COL19A1: variants seen among roughly 807,000 people sequenced by gnomAD.
COL19A1 encodes collagen type XIX alpha 1 chain.
In COL19A1, 159 loss-of-function variants were observed where a neutral mutation model predicts 190.2. The ratio of observed to expected loss-of-function variants is 0.84; its 90% CI spans 0.73 to 0.95. The LOEUF (loss-of-function observed/expected upper bound fraction) is 0.95. COL19A1 is among the 40% of genes least tolerant of loss of function. The pLI is 0.00. For missense variants in COL19A1, 1,418 were observed against 1,431.9 expected (o/e 0.99, Z 0.16); for synonymous variants, 509 against 458.9 (o/e 1.11, Z -1.39).
At chr6:69,996,975 A>G (rs1489629900) in intron 11 of COL19A1, among the ~76,000 whole-genome samples, 1 of 150,080 alleles carries the variant, frequency 6.7e-6, no homozygotes, top group Non-Finnish European at 1.5e-5. Context: ...ATGTGTACAT[A>G]TATGTATGTG....
chr6:70,066,084 C>T (rs577273986), intron 14 of COL19A1, among the ~76,000 whole-genome samples: 1 of 152,254 alleles, frequency 6.6e-6, no homozygotes, highest in Non-Finnish European at 1.5e-5. Context: ...TTTGACCCAG[C>T]CATACCATTA....
intron 14 of COL19A1, among the ~76,000 whole-genome samples, chr6:70,066,020 C>T (rs960363190): frequency 6.6e-6 from 1 of 152,194 alleles, no homozygotes; most frequent in Non-Finnish European, 1.5e-5. Flanking sequence ...ACTAGTTCAA[C>T]CATTGTGGAA....
At chr6:69,892,247 G>T (rs1769403474) in intron 2 of COL19A1, among the ~76,000 whole-genome samples, 1 of 152,210 alleles carries the variant, frequency 6.6e-6, no homozygotes, top group Admixed American at 6.5e-5. Context: ...TATTGATCCA[G>T]ATTTCTACAT....
At chr6:70,058,033 T>C (rs1780606349) in intron 14 of COL19A1, among the ~76,000 whole-genome samples, 1 of 152,058 alleles carries the variant, frequency 6.6e-6, no homozygotes. Context: ...TTATGAGAAG[T>C]ACAGATATCA....
intron 12 of COL19A1, among the ~76,000 whole-genome samples, chr6:70,026,532 A>G (rs1443804609): frequency 1.3e-5 from 2 of 152,244 alleles, no homozygotes; most frequent in Admixed American, 6.5e-5. Context: ...TTAGTTAATA[A>G]GTAGATGATG....
intron 14 of COL19A1, among the ~76,000 whole-genome samples, chr6:70,040,179 A>T (rs1179502380): frequency 6.6e-6 from 1 of 152,144 alleles, no homozygotes; most frequent in Non-Finnish European, 1.5e-5. Flanking sequence ...TGATATGTAA[A>T]ACCATCTATT....
chr6:70,109,478 G>T (rs947351869), intron 16 of COL19A1, among the ~76,000 whole-genome samples: 42 of 151,912 alleles, frequency 2.8e-4, no homozygotes, highest in African/African-American at 9.9e-4. Flanking sequence ...GAAAAGAAGG[G>T]TTGGGGGGCA....
chr6:70,067,927 A>C (rs1462559412), intron 14 of COL19A1, among the ~76,000 whole-genome samples: 1 of 152,110 alleles, frequency 6.6e-6, no homozygotes, highest in Non-Finnish European at 1.5e-5. Flanking sequence ...TATTATTACA[A>C]GAAAGCAGTA....
chr6:69,969,251 C>T (rs1247590327), intron 11 of COL19A1, among the ~76,000 whole-genome samples: 2 of 152,000 alleles, frequency 1.3e-5, no homozygotes, highest in Non-Finnish European at 2.9e-5. Flanking sequence ...ATATTAATTC[C>T]TAATTTTTCT....
At chr6:70,053,031 T>G (rs539901758) in intron 14 of COL19A1, among the ~76,000 whole-genome samples, 53 of 152,324 alleles carry the variant, frequency 3.5e-4, no homozygotes, top group South Asian at 6.2e-4. Flanking sequence ...TATCCCCTTC[T>G]TAATTTACTA....
chr6:70,181,314 G>A (rs928626310), intron 44 of COL19A1, among the ~76,000 whole-genome samples: 14 of 151,984 alleles, frequency 9.2e-5, no homozygotes, highest in Non-Finnish European at 5.9e-5. Context: ...GAGAAGACAT[G>A]AAAAAAATGT....
At chr6:70,179,189 G>T (rs892141328) in intron 42 of COL19A1, among the ~76,000 whole-genome samples, 1 of 152,130 alleles carries the variant, frequency 6.6e-6, no homozygotes, top group Non-Finnish European at 1.5e-5. Flanking sequence ...ATTCAGCACC[G>T]TATCTCTACC....
intron 42 of COL19A1, among the ~76,000 whole-genome samples, chr6:70,178,673 ATTGT>A (rs1765968862): frequency 6.6e-6 from 1 of 152,096 alleles, no homozygotes; most frequent in South Asian, 2.1e-4. Context: ...AAAAATGGTG[ATTGT>A]TCTAGTTGAA....
intron 9 of COL19A1, among the ~76,000 whole-genome samples, chr6:69,950,713 CACAT>C (rs1313210290): frequency 1.1e-4 from 17 of 148,510 alleles, no homozygotes; most frequent in African/African-American, 1.5e-4. Flanking sequence ...CACACACACA[CACAT>C]GTTCACACCT....
intron 15 of COL19A1, among the ~76,000 whole-genome samples, chr6:70,077,852 C>A (rs532852095): frequency 6.6e-6 from 1 of 152,012 alleles, no homozygotes; most frequent in Non-Finnish European, 1.5e-5. Flanking sequence ...ATTAATAATG[C>A]CACTTTAAGA....
chr6:70,172,065 T>C (rs531070724), intron 41 of COL19A1, 48 bp downstream of exon 41: 1 of 1,573,592 alleles, frequency 6.4e-7, no homozygotes, highest in African/African-American at 1.4e-5. Flanking sequence ...CATTCAAAAT[T>C]GTTTACTGAG....
chr6:69,935,741 T>A (rs1773060686), intron 7 of COL19A1, among the ~76,000 whole-genome samples: 1 of 152,000 alleles, frequency 6.6e-6, no homozygotes, highest in African/African-American at 2.4e-5. Context: ...ACTTTTATTT[T>A]AAGTTCAGGG....
At chr6:69,959,827 T>C (rs1774659985) in intron 9 of COL19A1, among the ~76,000 whole-genome samples, 169 bp from the exon 10 acceptor site, 1 of 152,170 alleles carries the variant, frequency 6.6e-6, no homozygotes, top group South Asian at 2.1e-4. Context: ...GAGGTGACAG[T>C]CCTGGATTTG....
In COL19A1 at chr6:70,207,593, A is replaced by G. The variant is rs75910524; in HGVS notation, c.*319A>G. The G allele has an allele frequency of 4.2e-3, 714 of 168,478 alleles. 11 individuals are homozygous for G. The highest frequency in any genetic ancestry group is 0.016 in the African/African-American group (680 of 42,100). The allele number at this position is 168,478 out of a possible 1,614,324, so 10.4% of individuals were successfully genotyped here. A position where few individuals can be genotyped will look rare whatever the true frequency, so the allele number is the denominator to read the frequency against. ...AGGAAATTGCATCTTGTGACTTAGT[A>G]GACTGATGATGATATCCATTTTGTA... On this transcript the variant is annotated 3_prime_UTR_variant, in exon 51 of 51. Coordinates refer to ENST00000620364, the MANE Select transcript of COL19A1 (RefSeq NM_001858.6).
Sources: gnomAD v4.1 joint callset for allele counts (sites outside exome capture counted in the v4.1 genomes callset) on GRCh38, gnomAD v4.1.1 for gene constraint, MANE v1.5 for transcripts, NCBI Gene and HGNC (gene_info 2026-07-23, HGNC 2026-07-21) for gene names.